SMC4: variants seen among roughly 807,000 people sequenced by gnomAD.
SMC4 encodes structural maintenance of chromosomes protein 4.
A neutral mutation model predicts 145.6 loss-of-function variants in SMC4; 87 were observed. The observed-to-expected ratio is 0.60, with a 90% CI of 0.50 to 0.71. The LOEUF is 0.71. Among genes scored for constraint, SMC4 ranks in the 30% least tolerant of loss-of-function variants. SMC4 has a pLI of 0.00. For synonymous variants in SMC4, 558 were observed against 500.7 expected, an observed-to-expected ratio of 1.11 and a Z score of -1.53; for missense variants, 1,447 against 1,537.1, an observed-to-expected ratio of 0.94 and a Z score of 0.98.
chr3:160,400,570 G>A, intron 1 of SMC4: 1 of 446,774 alleles, frequency 2.2e-6, no homozygotes, highest in African/African-American at 2.1e-5. Context: ...AACAAACTAA[G>A]CAGTTGCTCA....
intron 3 of SMC4, 98 bp from the exon 4 acceptor site, chr3:160,402,578 A>C: frequency 7.8e-7 from 1 of 1,279,692 alleles, no homozygotes; most frequent in African/African-American, 1.6e-5. Flanking sequence ...GCAGTTTTTA[A>C]CTGCAAGTAA....
intron 12 of SMC4, 44 bp from the exon 13 acceptor site, chr3:160,420,696 G>A (rs911300421): frequency 6.3e-7 from 1 of 1,596,094 alleles, no homozygotes; most frequent in East Asian, 2.2e-5. Flanking sequence ...ATGGTCCTGT[G>A]CTTTTCTGCC....
intron 19 of SMC4, 46 bp downstream of exon 19, chr3:160,430,789 C>G: frequency 6.4e-7 from 1 of 1,568,552 alleles, no homozygotes; most frequent in Non-Finnish European, 8.6e-7. Flanking sequence ...GATACTGGAA[C>G]CAATTTAAAG....
chr3:160,407,899 T>C (rs1238855917), intron 5 of SMC4, among the ~76,000 whole-genome samples: 3 of 152,190 alleles, frequency 2.0e-5, no homozygotes, highest in Non-Finnish European at 4.4e-5. Flanking sequence ...AAGTTACTCT[T>C]TCTGTTTTAT....
intron 4 of SMC4, 157 bp from the exon 5 acceptor site, chr3:160,404,171 T>A: frequency 1.7e-6 from 1 of 599,040 alleles, no homozygotes. Context: ...CTTTGCTAAG[T>A]TGGGTTATTA....
Position 160,419,346 on chromosome 3 carries a change from T to G in SMC4, c.1672-12T>G. On this transcript the variant is annotated splice_polypyrimidine_tract_variant and intron_variant, in intron 11 of 23. Transcript: ENST00000357388. ...TTAATGCTTCTGGATTTCATTTTAT[T>G]TTCACTTTTAGAAAGAAAAAGAACT... 6.4e-7 allele frequency: 1 copy of G among 1,558,484 alleles called. No individual in the cohort carries two copies. The highest frequency in any genetic ancestry group is 8.7e-7 in the Non-Finnish European group (1 of 1,149,900).
At chr3:160,420,676 G>T in intron 12 of SMC4, 64 bp from the exon 13 acceptor site, 5 of 1,544,946 alleles carry the variant, frequency 3.2e-6, no homozygotes, top group South Asian at 1.2e-5. Flanking sequence ...TTTAAAACTT[G>T]ATGAATGAAA....
chr3:160,432,356 A>G lies in SMC4; in HGVS notation c.3371A>G (p.Tyr1124Cys), dbSNP rs764039493. 1.1e-5 allele frequency: 18 copies of G among 1,614,074 alleles called. No homozygotes were observed. The South Asian group carries it at 1.8e-4, about 16-fold the overall frequency. The change falls in exon 22 of 24, where the codon TAT becomes TGT. Residue 1124 changes from tyrosine (Y) to cysteine (C), a missense_variant. Transcript: ENST00000357388. ...GAAAGAGACAGTTTTAGACAGGCAT[A>G]TGAAGATCTTCGGAAACAAAGGCTT... ...TYERDSFRQA[Y>C]EDLRKQRLNE...
At chr3:160,401,466 C>A (rs377065931) in intron 2 of SMC4, among the ~76,000 whole-genome samples, 1 of 152,264 alleles carries the variant, frequency 6.6e-6, no homozygotes, top group South Asian at 2.1e-4. Context: ...CATTATTAAA[C>A]CCTCGTGGCA....
At chr3:160,430,133 A>T (rs918297943) in intron 18 of SMC4, among the ~76,000 whole-genome samples, 1 of 152,202 alleles carries the variant, frequency 6.6e-6, no homozygotes, top group Non-Finnish European at 1.5e-5. Context: ...AATTGATTGC[A>T]TATTGATTAT....
rs1171918188 is a variant in SMC4, at chr3:160,400,921, C to T, written c.95C>T (p.Pro32Leu). Residue 32 changes from proline to leucine, a missense_variant, in exon 2 of 24, where the codon CCT becomes CTT. Transcript: ENST00000357388. ...GACGGCGCCAGCAGCGACGCGGAGC[C>T]TGAGCCGCCGTCCGGCCGCACGGAG... is the stretch of plus-strand genomic sequence containing the variant. ...SPDGASSDAEPEPPSGRTESP... is the reference protein window; with the variant it reads ...SPDGASSDAELEPPSGRTESP... 1.4e-6 allele frequency: 2 copies of T among 1,480,160 alleles called. No individual in the cohort carries two copies. Among genetic ancestry groups the T allele is most frequent in the Non-Finnish European group, 1.8e-6 (2 of 1,124,898 alleles). 91.7% of individuals were successfully genotyped at this position (1,480,160 alleles called of 1,614,324 possible).
intron 11 of SMC4, 137 bp from the exon 12 acceptor site, chr3:160,419,221 T>C (rs375922415): frequency 3.5e-6 from 2 of 576,746 alleles, no homozygotes. Flanking sequence ...GCCATACAGG[T>C]GCTCAGTTTT....
rs887334857 is a variant in SMC4, at chr3:160,433,852, G to C, written c.*43G>C. 6 of 1,470,216 alleles carry C rather than the reference G, an allele frequency of 4.1e-6. No homozygotes were observed. The highest frequency in any genetic ancestry group is 5.6e-6 in the Non-Finnish European group (6 of 1,075,404). 91.1% of individuals were successfully genotyped at this position (1,470,216 alleles called of 1,614,324 possible). A position where few individuals can be genotyped will look rare whatever the true frequency, so the allele number is the denominator to read the frequency against. On this transcript the variant is annotated 3_prime_UTR_variant, in exon 24 of 24. Transcript: ENST00000357388. ...CTTCAAGTTGATTCAGTGTATTACT[G>C]ATTTTTTTCTATTTGTAAAGGATTA...
rs578139879 is a variant in SMC4, at chr3:160,420,871, T to C, written c.1989T>C (p.Ile663=). Reference sequence around the variant, plus strand: ...TAAACTTCCTTAAAAGACAAAATATTGGAGTTGCAACCTTTATAGGTTTAG... The same window carrying C: ...TAAACTTCCTTAAAAGACAAAATATCGGAGTTGCAACCTTTATAGGTTTAG... ...ECVNFLKRQN[I]GVATFIGLDK... Residue 663 remains isoleucine, a synonymous_variant, in exon 13 of 24, where the codon ATT becomes ATC. Transcript: ENST00000357388. 1.8e-4 allele frequency: 291 copies of C among 1,613,186 alleles called. 6 individuals are homozygous for C. The South Asian group carries it at 3.0e-3, about 17-fold the overall frequency.
intron 18 of SMC4, 22 bp downstream of exon 18, chr3:160,428,964 A>C (rs749641399): frequency 6.5e-7 from 1 of 1,541,724 alleles, no homozygotes; most frequent in Non-Finnish European, 8.7e-7. Flanking sequence ...ATGTTACCCT[A>C]ACTTGTTTTC....
chr3:160,411,764 T>C, intron 5 of SMC4, 156 bp from the exon 6 acceptor site: 1 of 538,182 alleles, frequency 1.9e-6, no homozygotes, highest in Non-Finnish European at 3.2e-6. Context: ...AAAATAACAT[T>C]TTTATTTATA....
chr3:160,414,238 G>T (rs73154587), intron 8 of SMC4, 129 bp from the exon 9 acceptor site: 38,435 of 771,374 alleles, frequency 0.05, 1,230 homozygotes, highest in Middle Eastern at 0.081. Context: ...TTGGAATAAG[G>T]AGAGTTTTAG....
chr3:160,420,276 T>C (rs1717026945), intron 12 of SMC4, among the ~76,000 whole-genome samples: 1 of 152,216 alleles, frequency 6.6e-6, no homozygotes, highest in Non-Finnish European at 1.5e-5. Context: ...TTACCCAACA[T>C]GATTGCTTCT....
chr3:160,412,727 C>A, intron 7 of SMC4: 1 of 721,112 alleles, frequency 1.4e-6, no homozygotes, highest in Non-Finnish European at 1.7e-6. Context: ...GTGAACTTAT[C>A]CAATGTGAGG....
Sources: allele counts gnomAD v4.1 joint callset (sites outside exome capture counted in the v4.1 genomes callset), GRCh38; gene constraint gnomAD v4.1.1; transcripts MANE v1.5; gene names NCBI Gene and HGNC (gene_info 2026-07-23, HGNC 2026-07-21).